Variants in P4HA2 observed in about 807,000 individuals in gnomAD.
P4HA2 encodes prolyl 4-hydroxylase subunit alpha 2.
In P4HA2, 46 loss-of-function variants were observed where a neutral mutation model predicts 76.9. The observed-to-expected ratio is 0.60, with a 90% confidence interval of 0.47 to 0.76. The LOEUF is 0.76. Among genes scored for constraint, P4HA2 ranks in the 30% least tolerant of loss-of-function variants. The pLI, the probability that P4HA2 is intolerant of heterozygous loss-of-function variation, is 0.00. For missense variants in P4HA2, 583 were observed against 669.4 expected, an observed-to-expected ratio of 0.87 and a Z score of 1.42; for synonymous variants, 243 against 254.0, an observed-to-expected ratio of 0.96 and a Z score of 0.41.
chr5:132,209,270 C>T lies in P4HA2; in HGVS notation c.771G>A (p.Glu257=). The change falls in exon 7 of 15, where the codon GAG becomes GAA. Residue 257 remains glutamate (E), a synonymous_variant. Coordinates refer to ENST00000360568, the MANE Select transcript of P4HA2 (RefSeq NM_001017974.2). ...LRYFEQLLEE[E]REKTLTNQTE... ...TCTGATTTGTTAACGTTTTTTCTCT[C>T]TCTTCCTCCAATAACTGCTCAAAGT... 6.2e-7 allele frequency: 1 copy of T among 1,614,160 alleles called. No individual in the cohort carries two copies. The highest frequency in any genetic ancestry group is 8.5e-7 in the Non-Finnish European group (1 of 1,180,004).
intron 5 of P4HA2, among the ~76,000 whole-genome samples, chr5:132,211,996 C>G (rs943080874): frequency 2.0e-5 from 3 of 152,350 alleles, no homozygotes; most frequent in Non-Finnish European, 1.5e-5. Flanking sequence ...TGGCACTCAG[C>G]ATCCTCCCCA....
At chr5:132,217,563 T>C (rs143510939) in intron 3 of P4HA2, 189 bp downstream of exon 3, 61 of 638,984 alleles carry the variant, frequency 9.5e-5, no homozygotes, top group African/African-American at 8.1e-4. Context: ...AGGTCTTAAA[T>C]AGAAAATAAA....
chr5:132,194,919 C>T lies in P4HA2; in HGVS notation c.1531+7G>A, dbSNP rs891769054. On this transcript the variant is annotated splice_region_variant and intron_variant, in intron 14 of 14. Coordinates refer to ENST00000360568, the MANE Select transcript of P4HA2 (RefSeq NM_001017974.2). ...CCAACACCAACACTACCCCTTAAGA[C>T]ACTCACCCCACTTGCAGCCCACAAG... 1.9e-6 allele frequency: 3 copies of T among 1,596,228 alleles called. No individual in the cohort carries two copies. The highest frequency in any genetic ancestry group is 2.6e-6 in the Non-Finnish European group (3 of 1,163,722).
At chr5:132,217,477 T>C (rs1754069917) in intron 3 of P4HA2, 129 bp from the exon 4 acceptor site, 6 of 818,126 alleles carry the variant, frequency 7.3e-6, no homozygotes, top group East Asian at 5.0e-5. Context: ...CAATGAAAAA[T>C]GAATACAGTA....
intron 13 of P4HA2, 168 bp from the exon 14 acceptor site, chr5:132,195,190 T>C (rs1342683908): frequency 4.7e-6 from 3 of 638,730 alleles, no homozygotes; most frequent in Non-Finnish European, 8.4e-6. Flanking sequence ...AGAAAGCACC[T>C]ACCTTTCTGA....
chr5:132,216,083 T>C (rs13186538), intron 4 of P4HA2, among the ~76,000 whole-genome samples: 1 of 146,788 alleles, frequency 6.8e-6, no homozygotes, highest in Non-Finnish European at 1.5e-5. Context: ...AAGAATTGCT[T>C]GAACCCGGAG....
intron 3 of P4HA2, 72 bp from the exon 4 acceptor site, chr5:132,217,420 G>A: frequency 6.8e-7 from 1 of 1,476,914 alleles, no homozygotes; most frequent in Admixed American, 1.8e-5. Context: ...AATTTTCCTA[G>A]TGAGAATTCC....
intron 8 of P4HA2, among the ~76,000 whole-genome samples, chr5:132,205,365 GA>G (rs1752071978): frequency 6.6e-6 from 1 of 152,170 alleles, no homozygotes; most frequent in Non-Finnish European, 1.5e-5. Flanking sequence ...AAGGTTATGG[GA>G]AGTAGTAAGA....
rs1278174720 is a variant in P4HA2, at chr5:132,212,177, A to T, written c.470-1654T>A. On this transcript the variant is annotated intron_variant, in intron 5 of 14. Coordinates refer to ENST00000360568, the MANE Select transcript of P4HA2 (RefSeq NM_001017974.2). ...ATAGGGAAAGCTGAGTACAATGGGC[A>T]AGGAAGCCAGGAAAATGGAGTCATG... 2.0e-5 allele frequency among the ~76,000 whole-genome samples: 3 copies of T among 152,268 alleles called. No individual in the cohort carries two copies. In the South Asian group the frequency reaches 6.2e-4, roughly 32 times the overall value.
intron 5 of P4HA2, among the ~76,000 whole-genome samples, 165 bp downstream of exon 5, chr5:132,213,751 G>A (rs1201840712): frequency 2.6e-5 from 4 of 152,170 alleles, no homozygotes; most frequent in African/African-American, 7.2e-5. Flanking sequence ...CAGGGGCTGA[G>A]GGAGAAACCT....
At chr5:132,211,089 G>A (rs766359693) in intron 5 of P4HA2, among the ~76,000 whole-genome samples, 22 of 152,144 alleles carry the variant, frequency 1.4e-4, no homozygotes, top group Non-Finnish European at 2.6e-4. Context: ...CAGAGGGAGC[G>A]GGAGTGGTGT....
At chr5:132,196,941 A>G (rs156029) in intron 12 of P4HA2, among the ~76,000 whole-genome samples, 85,756 of 151,278 alleles carry the variant, frequency 0.57, 24,869 homozygotes, top group Non-Finnish European at 0.63. Flanking sequence ...CAAGCACAAG[A>G]GAGACCACAT....
rs181222974 is a variant in P4HA2, at chr5:132,223,537, T to C, written c.-19+4253A>G. Among the ~76,000 whole-genome samples, 6 of 152,340 alleles carry C rather than the reference T, an allele frequency of 3.9e-5. No individual in the cohort carries two copies. The East Asian group carries it at 9.6e-4, about 24-fold the overall frequency. ...TCGACCTCCCAAAGTGCTGGGATTA[T>C]AGGCATGAGCCATCGCACAGGCCTG... On this transcript the variant is annotated intron_variant, in intron 1 of 14. Transcript: ENST00000360568.
chr5:132,215,794 C>T (rs1263537476), intron 4 of P4HA2, among the ~76,000 whole-genome samples: 1 of 145,916 alleles, frequency 6.9e-6, no homozygotes, highest in Non-Finnish European at 1.5e-5. Flanking sequence ...TACAATCGCA[C>T]CTGTGAATAG....
intron 4 of P4HA2, among the ~76,000 whole-genome samples, chr5:132,214,472 T>G (rs1753576559): frequency 6.6e-6 from 1 of 152,072 alleles, no homozygotes. Flanking sequence ...ATGGAAAACC[T>G]TGATCCAGGG....
intron 1 of P4HA2, among the ~76,000 whole-genome samples, chr5:132,224,834 C>A (rs766907756): frequency 2.6e-5 from 4 of 152,056 alleles, no homozygotes; most frequent in Admixed American, 2.6e-4. Context: ...CCTCAGAGTG[C>A]CAGGTACAAA....
intron 5 of P4HA2, among the ~76,000 whole-genome samples, chr5:132,211,444 G>C (rs894365922): frequency 1.3e-5 from 2 of 152,206 alleles, no homozygotes; most frequent in Non-Finnish European, 2.9e-5. Context: ...CCTGGGCATG[G>C]CTGACACAAA....
At chr5:132,198,275 C>T (rs200778965) in intron 12 of P4HA2, 46 bp downstream of exon 12, 1 of 1,614,190 alleles carries the variant, frequency 6.2e-7, no homozygotes, top group South Asian at 1.1e-5. Context: ...CATCATTCTA[C>T]AAAATTAAGT....
At chr5:132,211,567 T>C (rs539631142) in intron 5 of P4HA2, among the ~76,000 whole-genome samples, 1 of 152,236 alleles carries the variant, frequency 6.6e-6, no homozygotes, top group East Asian at 1.9e-4. Context: ...TAACGAGGAA[T>C]AGGAAGTTGG....
Sources: allele counts gnomAD v4.1 joint callset (sites outside exome capture counted in the v4.1 genomes callset), GRCh38; gene constraint gnomAD v4.1.1; transcripts MANE v1.5; gene names NCBI Gene and HGNC (gene_info 2026-07-23, HGNC 2026-07-21).